The following UBR3 variants were observed in gnomAD, a reference collection of about 807,000 sequenced individuals.
UBR3 encodes the protein E3 ubiquitin-protein ligase UBR3.
UBR3 carries 85 observed loss-of-function variants against 243.2 expected under a neutral mutation model. That is an observed-to-expected ratio of 0.35 (90% CI 0.29 to 0.42). The LOEUF is 0.42. UBR3 is among the 10% of genes least tolerant of loss of function. The pLI, the probability that UBR3 is intolerant of heterozygous loss-of-function variation, is 1.00. For missense variants in UBR3, 1,686 were observed against 2,300.8 expected (o/e 0.73, Z 5.47); for synonymous variants, 748 against 799.8 (o/e 0.94, Z 1.09).
At chr2:169,904,538 T>C (rs1229582263) in intron 8 of UBR3, among the ~76,000 whole-genome samples, 1 of 134,720 alleles carries the variant, frequency 7.4e-6, no homozygotes, top group Non-Finnish European at 1.5e-5. Flanking sequence ...ACTTTGAGGA[T>C]TTTTTTTTCA....
rs888679576 is a variant in UBR3, at chr2:169,827,461, C to T, written c.-47C>T. 7 of 1,218,406 alleles carry T rather than the reference C, an allele frequency of 5.7e-6. No individual in the cohort carries two copies. The highest frequency in any genetic ancestry group is 3.1e-5 in the African/African-American group (2 of 63,776). 75.5% of individuals were successfully genotyped at this position (1,218,406 alleles called of 1,614,324 possible). On this transcript the variant is annotated 5_prime_UTR_variant, in exon 1 of 39. Coordinates refer to ENST00000272793, the MANE Select transcript of UBR3 (RefSeq NM_172070.4). ...GCAGCAGTCTATTCCCTCACTCTCC[C>T]TGGAGGAGCCGCTGGCCCTGGACTC...
chr2:170,068,866 G>C (rs2091637350), intron 35 of UBR3, among the ~76,000 whole-genome samples: 1 of 152,068 alleles, frequency 6.6e-6, no homozygotes, highest in African/African-American at 2.4e-5. Flanking sequence ...TAGATAAAAT[G>C]GTTAAATTTC....
intron 22 of UBR3, 164 bp downstream of exon 22, chr2:169,947,879 C>T (rs1239923711): frequency 1.5e-5 from 15 of 984,992 alleles, no homozygotes; most frequent in Non-Finnish European, 1.8e-5. Flanking sequence ...TTCTACCTTA[C>T]CAGTCTTTTT....
intron 29 of UBR3, chr2:170,014,038 C>T (rs1343311644): frequency 2.4e-6 from 1 of 422,842 alleles, no homozygotes; most frequent in Non-Finnish European, 5.0e-6. Flanking sequence ...CCTTGTCACA[C>T]AGATGCCCTT....
intron 11 of UBR3, among the ~76,000 whole-genome samples, chr2:169,921,758 G>A (rs530372039): frequency 1.3e-5 from 2 of 152,232 alleles, no homozygotes; most frequent in South Asian, 4.1e-4. Context: ...TTGGGAGGCC[G>A]AGGCAGGTGG....
At chr2:169,912,939 C>T (rs1028085138) in intron 10 of UBR3, among the ~76,000 whole-genome samples, 6 of 152,072 alleles carry the variant, frequency 3.9e-5, no homozygotes, top group African/African-American at 1.4e-4. Flanking sequence ...TGCACGCCAC[C>T]ACTCTTGACT....
intron 24 of UBR3, among the ~76,000 whole-genome samples, chr2:169,965,775 G>A (rs976950614): frequency 2.0e-5 from 3 of 151,994 alleles, no homozygotes; most frequent in African/African-American, 7.3e-5. Flanking sequence ...GTTTATTTCC[G>A]AAATTTTCCA....
chr2:170,045,029 G>A (rs975473262), intron 32 of UBR3, among the ~76,000 whole-genome samples: 1 of 152,114 alleles, frequency 6.6e-6, no homozygotes, highest in Non-Finnish European at 1.5e-5. Flanking sequence ...TATAGGGAGT[G>A]TATTAGTTCA....
At chr2:169,920,612 T>A (rs1264073448) in intron 11 of UBR3, among the ~76,000 whole-genome samples, 1 of 152,198 alleles carries the variant, frequency 6.6e-6, no homozygotes, top group Admixed American at 6.5e-5. Context: ...CCTCATTTTT[T>A]CTTCCCTTCC....
chr2:169,872,184 A>AT (rs2083459198), intron 1 of UBR3, 52 bp from the exon 2 acceptor site: 15 of 1,241,630 alleles, frequency 1.2e-5, no homozygotes, highest in Non-Finnish European at 1.6e-5. Context: ...GAAATAATAT[A>AT]TTTTTAGCTG....
chr2:170,042,585 A>G (rs760846452), intron 32 of UBR3, among the ~76,000 whole-genome samples: 4 of 147,486 alleles, frequency 2.7e-5, no homozygotes, highest in Non-Finnish European at 4.5e-5. Context: ...GCTACTTGGG[A>G]GGCTGAGGCA....
chr2:170,023,427 T>G lies in UBR3; in HGVS notation c.4454-5919T>G, dbSNP rs1299803333. On this transcript the variant is annotated intron_variant, in intron 30 of 38. Transcript: ENST00000272793. ...TTTATGAAAATTTTTTTTTTTTTTT[T>G]GAGACGGAGTCTCACTCTGTTGCCC... Among the ~76,000 whole-genome samples, 11 of 141,104 alleles carry G rather than the reference T, an allele frequency of 7.8e-5. No individual in the cohort carries two copies. The East Asian group carries it at 2.3e-3, about 30-fold the overall frequency. The allele number at this position is 141,104 out of a possible 152,430, so 92.6% of individuals were successfully genotyped here.
At chr2:170,054,517 T>G (rs369778419) in intron 32 of UBR3, among the ~76,000 whole-genome samples, 5 of 152,000 alleles carry the variant, frequency 3.3e-5, no homozygotes, top group African/African-American at 1.2e-4. Context: ...CTCCTGACCT[T>G]GTGATCCGCC....
intron 1 of UBR3, among the ~76,000 whole-genome samples, chr2:169,829,422 GTTT>G (rs35860819): frequency 0.046 from 6,089 of 133,682 alleles, 126 homozygotes; most frequent in Middle Eastern, 0.071. Context: ...TAACATTTGA[GTTT>G]TTTTTTTTTT....
At chr2:169,908,138 CTCTT>C (rs1162274910) in intron 10 of UBR3, among the ~76,000 whole-genome samples, 1 of 152,148 alleles carries the variant, frequency 6.6e-6, no homozygotes, top group Admixed American at 6.6e-5. Context: ...TCAAGCTGGT[CTCTT>C]TCTTTGGCAT....
chr2:170,010,968 G>A (rs763598030), intron 29 of UBR3, among the ~76,000 whole-genome samples: 8 of 151,858 alleles, frequency 5.3e-5, no homozygotes, highest in East Asian at 1.9e-4. Context: ...TTTGAGACCC[G>A]CCTGGACAAC....
chr2:170,041,298 A>G (rs1477855782), intron 32 of UBR3, among the ~76,000 whole-genome samples: 1 of 152,230 alleles, frequency 6.6e-6, no homozygotes, highest in Admixed American at 6.5e-5. Context: ...AATGACAATG[A>G]AAAAGTGTTT....
chr2:169,835,776 A>G (rs949084081), intron 1 of UBR3, among the ~76,000 whole-genome samples: 1 of 152,030 alleles, frequency 6.6e-6, no homozygotes, highest in Non-Finnish European at 1.5e-5. Context: ...AGTTAAAACT[A>G]TTTTCAATTA....
rs1194161383 is a variant in UBR3 at position 169,836,037 on chromosome 2, C to A, written c.545+7985C>A. 7.0e-3 allele frequency among the ~76,000 whole-genome samples: 87 copies of A among 12,502 alleles called. 1 individual carries two copies. Among genetic ancestry groups the A allele is most frequent in the African/African-American group, 0.014 (44 of 3,070 alleles). The allele number at this position is 12,502 out of a possible 152,430, so 8.2% of individuals were successfully genotyped here. On this transcript the variant is annotated intron_variant, in intron 1 of 38. Transcript: ENST00000272793. Reference sequence around the variant, plus strand: ...TCTCTCTCTCTCTCTCTCTCTCTCTCTCTCTCTATATATATATATATATAT... The same window carrying A: ...TCTCTCTCTCTCTCTCTCTCTCTCTATCTCTCTATATATATATATATATAT...
Sources: gnomAD v4.1 joint callset for allele counts (sites outside exome capture counted in the v4.1 genomes callset) on GRCh38, gnomAD v4.1.1 for gene constraint, MANE v1.5 for transcripts, NCBI Gene and HGNC (gene_info 2026-07-23, HGNC 2026-07-21) for gene names.